The following NAV3 variants were observed in gnomAD, a reference collection of about 807,000 sequenced individuals.
NAV3 encodes the protein neuron navigator 3.
Under a neutral mutation model 244.7 loss-of-function variants are expected in NAV3, and 87 were observed. The observed-to-expected ratio is 0.36, with a 90% CI of 0.30 to 0.42. The LOEUF is 0.42. Ranked by LOEUF, NAV3 falls within the 20% of genes least tolerant of loss-of-function variation. NAV3 has a pLI of 1.00. For synonymous variants in NAV3, 1,126 were observed against 1,042.2 expected, an observed-to-expected ratio of 1.08 and a Z score of -1.55; for missense variants, 2,663 against 2,893.3, an observed-to-expected ratio of 0.92 and a Z score of 1.83.
chr12:78,036,540 CAT>C (rs1879916429), intron 9 of NAV3: 1 of 212,568 alleles, frequency 4.7e-6, no homozygotes, highest in Non-Finnish European at 9.5e-6. Context: ...CCTGCTGAGA[CAT>C]GTGATTGGAT....
rs956638520 is a variant in NAV3 at position 77,729,029 on chromosome 12, T to C, written c.72+156763T>C. On this transcript the variant is annotated intron_variant, in intron 2 of 8. Transcript: ENST00000550042. ...TTCTTCTGACTTTCTTGATATTTTA[T>C]TTGTATTGTAAGAATATAGTATATA... 5.9e-5 allele frequency among the ~76,000 whole-genome samples: 9 copies of C among 152,052 alleles called. No individual in the cohort carries two copies. In the East Asian group the frequency reaches 1.5e-3, roughly 26 times the overall value.
At chr12:78,121,895 T>G (rs1344046925) in intron 15 of NAV3, 45 bp from the exon 16 acceptor site, 9 of 1,601,802 alleles carry the variant, frequency 5.6e-6, no homozygotes, top group Non-Finnish European at 7.7e-6. Context: ...AATGTGGATA[T>G]TAGCTTCTTG....
chr12:77,713,858 A>G (rs1488187623), intron 2 of NAV3, among the ~76,000 whole-genome samples: 2 of 152,148 alleles, frequency 1.3e-5, no homozygotes, highest in Non-Finnish European at 2.9e-5. Context: ...GGGCTAGGTA[A>G]TTAACCATTT....
At chr12:77,663,738 C>T (rs536829990) in intron 2 of NAV3, among the ~76,000 whole-genome samples, 32 of 152,262 alleles carry the variant, frequency 2.1e-4, no homozygotes, top group Admixed American at 7.2e-4. Context: ...TCAGGCTGGT[C>T]TCGAACTCCT....
chr12:77,911,408 C>T (rs1733838073), intron 1 of NAV3, among the ~76,000 whole-genome samples: 1 of 152,080 alleles, frequency 6.6e-6, no homozygotes, highest in Admixed American at 6.6e-5. Context: ...CAGAAATGTT[C>T]AAGGTTTTCA....
chr12:77,879,145 G>A (rs377705046), intron 1 of NAV3, among the ~76,000 whole-genome samples: 1 of 152,118 alleles, frequency 6.6e-6, no homozygotes, highest in Non-Finnish European at 1.5e-5. Context: ...TTATGAGTAA[G>A]GGAGAGTTGC....
chr12:78,135,828 G>A (rs776547771), intron 18 of NAV3, among the ~76,000 whole-genome samples: 75 of 151,784 alleles, frequency 4.9e-4, no homozygotes, highest in African/African-American at 9.9e-4. Flanking sequence ...TACTTTTTTC[G>A]CCTTTCCATC....
intron 9 of NAV3, among the ~76,000 whole-genome samples, chr12:78,029,172 C>T (rs1162873876): frequency 1.5e-5 from 2 of 130,294 alleles, no homozygotes; most frequent in African/African-American, 5.6e-5. Flanking sequence ...TCTGACCCTA[C>T]CTATTCCAAA....
At position 78,128,692 on chromosome 12, in the gene NAV3, G is replaced by T. The variant is rs765061291; in HGVS notation, c.4281-14G>T. 6.2e-7 allele frequency: 1 copy of T among 1,612,124 alleles called. No homozygotes were observed. Among genetic ancestry groups the T allele is most frequent in the Admixed American group, 1.7e-5 (1 of 59,724 alleles). On this transcript the variant is annotated splice_polypyrimidine_tract_variant and intron_variant, in intron 17 of 39. Coordinates refer to ENST00000397909, the MANE Select transcript of NAV3 (RefSeq NM_001024383.2). The stretch of plus-strand genomic sequence containing the variant: ...GTAGATGTGCTTAAGTGTCATAGCT[G>T]TGCTGTTTTGCAGATATACCCCATC...
chr12:78,199,766 A>G (rs887366867), intron 37 of NAV3, among the ~76,000 whole-genome samples: 1 of 152,056 alleles, frequency 6.6e-6, no homozygotes, highest in African/African-American at 2.4e-5. Context: ...TAAGTTCAAT[A>G]TGGGCAAATA....
chr12:77,700,009 CTAAT>C (rs1264599968), intron 2 of NAV3, among the ~76,000 whole-genome samples: 1 of 152,110 alleles, frequency 6.6e-6, no homozygotes, highest in Non-Finnish European at 1.5e-5. Flanking sequence ...GGCCTATAGT[CTAAT>C]CTATGGATGT....
chr12:77,806,715 T>A (rs1286087793), intron 2 of NAV3, among the ~76,000 whole-genome samples: 1 of 152,218 alleles, frequency 6.6e-6, no homozygotes, highest in East Asian at 1.9e-4. Flanking sequence ...AAGTCCTGAA[T>A]ATCCTTGTTA....
At chr12:78,202,429 A>T (rs566602160) in intron 38 of NAV3, among the ~76,000 whole-genome samples, 2 of 152,074 alleles carry the variant, frequency 1.3e-5, no homozygotes, top group Non-Finnish European at 2.9e-5. Context: ...GATAATAGTT[A>T]AAATGCTTAG....
chr12:78,000,618 C>T (rs972019446), intron 7 of NAV3, among the ~76,000 whole-genome samples: 1 of 142,652 alleles, frequency 7.0e-6, no homozygotes, highest in African/African-American at 2.6e-5. Flanking sequence ...ATTCACCTGC[C>T]TCAGCCTCCC....
chr12:77,718,598 A>G (rs183193811), intron 2 of NAV3, among the ~76,000 whole-genome samples: 1 of 151,788 alleles, frequency 6.6e-6, no homozygotes, highest in Non-Finnish European at 1.5e-5. Context: ...TATTTCTACA[A>G]AAAAGCCATT....
At chr12:77,621,827 T>G (rs986726113) in intron 2 of NAV3, among the ~76,000 whole-genome samples, 3 of 152,046 alleles carry the variant, frequency 2.0e-5, no homozygotes, top group Admixed American at 6.6e-5. Flanking sequence ...CTCCTTGATC[T>G]CAAGAAGTCC....
intron 3 of NAV3, among the ~76,000 whole-genome samples, chr12:77,953,803 T>C (rs1891117235): frequency 6.6e-6 from 1 of 152,216 alleles, no homozygotes; most frequent in Non-Finnish European, 1.5e-5. Context: ...CAATGATCCC[T>C]GCTCAGCTTT....
intron 12 of NAV3, among the ~76,000 whole-genome samples, chr12:78,103,220 T>C (rs1212644530): frequency 6.6e-6 from 1 of 152,200 alleles, no homozygotes; most frequent in Admixed American, 6.5e-5. Flanking sequence ...ATACCCTAAA[T>C]CATCTCTCTC....
intron 1 of NAV3, among the ~76,000 whole-genome samples, chr12:77,925,091 A>G (rs1888062706): frequency 6.6e-6 from 1 of 151,986 alleles, no homozygotes; most frequent in Non-Finnish European, 1.5e-5. Flanking sequence ...AGGGTGGGGG[A>G]ATGATGGGGA....
Sources: allele counts gnomAD v4.1 joint callset (sites outside exome capture counted in the v4.1 genomes callset), GRCh38; gene constraint gnomAD v4.1.1; transcripts MANE v1.5; gene names NCBI Gene and HGNC (gene_info 2026-07-23, HGNC 2026-07-21).